Variants in SREK1IP1 observed in about 807,000 individuals in gnomAD.
SREK1IP1 encodes SREK1 interacting protein 1, also known as protein SREK1IP1.
A neutral mutation model predicts 22.8 loss-of-function variants in SREK1IP1; 12 were observed. The observed-to-expected ratio is 0.53, with a 90% confidence interval of 0.34 to 0.85. The LOEUF (loss-of-function observed/expected upper bound fraction) is 0.85, where lower values mean the gene tolerates loss of function less well. Ranked by LOEUF, SREK1IP1 falls within the 40% of genes least tolerant of loss-of-function variation. SREK1IP1 has a pLI of 0.02. For missense variants in SREK1IP1, 147 were observed against 171.8 expected, an observed-to-expected ratio of 0.86 and a Z score of 0.81; for synonymous variants, 53 against 52.7, an observed-to-expected ratio of 1.01 and a Z score of -0.02.
chr5:64,758,160 G>C (rs772825341), intron 1 of SREK1IP1, among the ~76,000 whole-genome samples: 2 of 151,590 alleles, frequency 1.3e-5, no homozygotes, highest in Non-Finnish European at 2.9e-5. Flanking sequence ...ACAGGTGTGA[G>C]CCACTGCTCC....
chr5:64,762,762 C>G (rs1262562942), intron 1 of SREK1IP1, among the ~76,000 whole-genome samples: 2 of 152,024 alleles, frequency 1.3e-5, no homozygotes, highest in Admixed American at 6.5e-5. Context: ...ATTAAAAATG[C>G]CTTCATAGGC....
At chr5:64,758,111 C>T (rs1306483403) in intron 1 of SREK1IP1, among the ~76,000 whole-genome samples, 5 of 151,802 alleles carry the variant, frequency 3.3e-5, no homozygotes, top group African/African-American at 1.2e-4. Context: ...CTCCTGACCT[C>T]GTAATCCACC....
chr5:64,754,304 A>C lies in SREK1IP1; in HGVS notation c.61+11T>G, dbSNP rs749365769. On this transcript the variant is annotated intron_variant, in intron 2 of 4. Transcript: ENST00000513458. ...AATAATGCAAAGCATGTCATCTTTT[A>C]GAATACTTACGGTAGCCACATTTTT... is the stretch of plus-strand genomic sequence containing the variant. 5 of 1,613,396 alleles carry C rather than the reference A, an allele frequency of 3.1e-6. No individual in the cohort carries two copies. Among genetic ancestry groups the C allele is most frequent in the Non-Finnish European group, 4.2e-6 (5 of 1,179,330 alleles).
chr5:64,725,515 A>G (rs1479130706), intron 4 of SREK1IP1, among the ~76,000 whole-genome samples: 1 of 152,208 alleles, frequency 6.6e-6, no homozygotes, highest in Non-Finnish European at 1.5e-5. Flanking sequence ...ATGTAAATTC[A>G]GGAGACTACA....
At chr5:64,766,042 G>A (rs1053472960) in intron 1 of SREK1IP1, among the ~76,000 whole-genome samples, 9 of 152,190 alleles carry the variant, frequency 5.9e-5, no homozygotes, top group Non-Finnish European at 8.8e-5. Context: ...TGGCCTCTTA[G>A]ATGTTGACCA....
intron 2 of SREK1IP1, among the ~76,000 whole-genome samples, chr5:64,745,570 C>T (rs1742619602): frequency 6.7e-6 from 1 of 149,514 alleles, no homozygotes; most frequent in Non-Finnish European, 1.5e-5. Flanking sequence ...GCCTGGGCAG[C>T]AGAGTAAAAC....
intron 4 of SREK1IP1, chr5:64,727,878 TA>T (rs1376230510): frequency 6.6e-6 from 2 of 303,304 alleles, no homozygotes; most frequent in Non-Finnish European, 1.1e-5. Flanking sequence ...ATTCTATTAA[TA>T]AGTTAATTTA....
rs960242369 is a variant in SREK1IP1, at chr5:64,718,835, A to G, written c.*5549T>C. 2 of 152,232 alleles carry G rather than the reference A, an allele frequency of 1.3e-5. No individual in the cohort carries two copies. Among genetic ancestry groups the G allele is most frequent in the East Asian group, 1.9e-4 (1 of 5,198 alleles). 9.4% of individuals were successfully genotyped at this position (152,232 alleles called of 1,614,324 possible). A position where few individuals can be genotyped will look rare whatever the true frequency, so the allele number is the denominator to read the frequency against. ...ATTATTTTAAGCAGCTCTACTGAGC[A>G]TATCTACTATGTCCTGTAGTTTTTG... On this transcript the variant is annotated 3_prime_UTR_variant, in exon 5 of 5. Transcript: ENST00000513458.
chr5:64,736,263 A>T (rs1742460664), intron 3 of SREK1IP1, among the ~76,000 whole-genome samples: 1 of 152,158 alleles, frequency 6.6e-6, no homozygotes, highest in African/African-American at 2.4e-5. Context: ...CATAAAGGTT[A>T]AATAGGTCAA....
At chr5:64,727,553 A>ATATTTTTTTTT in intron 4 of SREK1IP1, 15 of 84,672 alleles carry the variant, frequency 1.8e-4, no homozygotes, top group African/African-American at 8.2e-4. Flanking sequence ...ATATATATAT[A>ATATTTTTTTTT]TTTTTTTTTT....
rs114258277 is a variant in SREK1IP1 at position 64,756,534 on chromosome 5, A to T, written c.14-2172T>A. On this transcript the variant is annotated intron_variant, in intron 1 of 4. Transcript: ENST00000513458. ...GGCTGAATAATATTCCATTGTATGCACATATAGTTAAAACTAATTTTATCC... is the reference window on the plus strand; with the variant it reads ...GGCTGAATAATATTCCATTGTATGCTCATATAGTTAAAACTAATTTTATCC... Among the ~76,000 whole-genome samples the T allele has an allele frequency of 2.3e-3, 350 of 152,350 alleles. 3 individuals carry two copies. Among genetic ancestry groups the T allele is most frequent in the African/African-American group, 8.0e-3 (333 of 41,576 alleles).
Position 64,768,458 on chromosome 5 carries a change from C to A in SREK1IP1, c.13+47G>T, listed in dbSNP as rs748176485. 81 of 1,613,684 alleles carry A rather than the reference C, an allele frequency of 5.0e-5. No homozygotes were observed. The East Asian group carries it at 1.7e-3, about 34-fold the overall frequency. ...CCGCACCCTACCCTACCCTCCCTTG[C>A]GCTCCCTTCGGAGCTCGGACGCAGA... On this transcript the variant is annotated intron_variant, in intron 1 of 4. Transcript: ENST00000513458.
intron 2 of SREK1IP1, among the ~76,000 whole-genome samples, chr5:64,750,649 C>T (rs1232866082): frequency 6.6e-6 from 1 of 152,174 alleles, no homozygotes; most frequent in Non-Finnish European, 1.5e-5. Flanking sequence ...TCCTGTCCTA[C>T]TCAAACTCCC....
intron 2 of SREK1IP1, among the ~76,000 whole-genome samples, chr5:64,741,924 GCACA>G (rs10559949): frequency 6.6e-6 from 1 of 150,696 alleles, no homozygotes; most frequent in Non-Finnish European, 1.5e-5. Flanking sequence ...ATGCCTGTGC[GCACA>G]CACACACACA....
intron 1 of SREK1IP1, among the ~76,000 whole-genome samples, chr5:64,760,172 C>G (rs1248814022): frequency 7.2e-5 from 11 of 152,042 alleles, no homozygotes. Flanking sequence ...CTAAGATATA[C>G]TGTAAAAAGA....
rs1742488303 is a variant in SREK1IP1, at chr5:64,737,642, G to A, written c.205+3415C>T. Among the ~76,000 whole-genome samples, 2 of 147,326 alleles carry A rather than the reference G, an allele frequency of 1.4e-5. 1 individual carries two copies. The highest frequency in any genetic ancestry group is 7.0e-3 in the Middle Eastern group (2 of 284). ...CAACAGAAAAGCCCAAAGAAACTAA[G>A]AGCTTTTTAATAAAAAGATAAAACT... On this transcript the variant is annotated intron_variant, in intron 3 of 4. Transcript: ENST00000513458.
At position 64,768,525 on chromosome 5, in the gene SREK1IP1, G is replaced by C; in HGVS notation, c.-8C>G. On this transcript the variant is annotated 5_prime_UTR_variant, in exon 1 of 5. Transcript: ENST00000513458. The stretch of plus-strand genomic sequence containing the variant: ...CTTACCTGGGACTGCCATGACGGTG[G>C]TAAGAGGGGTAACTCGAGCCTCTGG... 6.2e-7 allele frequency: 1 copy of C among 1,614,162 alleles called. No individual in the cohort carries two copies. Among genetic ancestry groups the C allele is most frequent in the East Asian group, 2.2e-5 (1 of 44,876 alleles).
At chr5:64,739,953 A>T (rs1031901083) in intron 3 of SREK1IP1, among the ~76,000 whole-genome samples, 1 of 152,132 alleles carries the variant, frequency 6.6e-6, no homozygotes, top group African/African-American at 2.4e-5. Context: ...AACTAAAATG[A>T]ATTTAAAATT....
At chr5:64,767,475 C>G (rs1363015032) in intron 1 of SREK1IP1, among the ~76,000 whole-genome samples, 2 of 152,148 alleles carry the variant, frequency 1.3e-5, no homozygotes, top group African/African-American at 2.4e-5. Flanking sequence ...TCCTCTCTCA[C>G]AGCTCCAGAT....
Sources: allele counts gnomAD v4.1 joint callset (sites outside exome capture counted in the v4.1 genomes callset), GRCh38; gene constraint gnomAD v4.1.1; transcripts MANE v1.5; gene names NCBI Gene and HGNC (gene_info 2026-07-23, HGNC 2026-07-21).